The following DRICH1 variants were observed in gnomAD, a reference collection of about 807,000 sequenced individuals.
DRICH1 encodes the protein aspartate rich 1.
A neutral mutation model predicts 39.5 loss-of-function variants in DRICH1; 38 were observed. That is an observed-to-expected ratio of 0.96 (90% CI 0.74 to 1.26). DRICH1 has a LOEUF of 1.26. DRICH1 is among the 50% of genes most tolerant of loss of function. DRICH1 has a pLI of 0.00. For missense variants in DRICH1, 279 were observed against 270.4 expected (o/e 1.03, Z -0.22); for synonymous variants, 84 against 99.5 (o/e 0.84, Z 0.93).
chr22:23,618,208 G>A (rs1262126627), intron 6 of DRICH1, among the ~76,000 whole-genome samples: 1 of 149,060 alleles, frequency 6.7e-6, no homozygotes, highest in Non-Finnish European at 1.5e-5. Context: ...CCACCTCCCA[G>A]GTTTGCACCA....
At chr22:23,618,356 C>A (rs2123776594) in intron 6 of DRICH1, among the ~76,000 whole-genome samples, 1 of 152,136 alleles carries the variant, frequency 6.6e-6, no homozygotes, top group East Asian at 1.9e-4. Context: ...TCTCATGATC[C>A]ACCCACCTCG....
the DRICH1 span, among the ~76,000 whole-genome samples, chr22:23,598,239 C>G: frequency 6.6e-6 from 1 of 150,646 alleles, no homozygotes; most frequent in East Asian, 1.9e-4. Flanking sequence ...TCTCCTTGAC[C>G]AGAGTGAAGG....
the DRICH1 span, among the ~76,000 whole-genome samples, chr22:23,588,773 C>T: frequency 1.3e-5 from 2 of 152,164 alleles, no homozygotes; most frequent in East Asian, 1.9e-4. Context: ...TTCTGCCACC[C>T]GGGTATCTCA....
chr22:23,617,864 C>G (rs563689422), intron 6 of DRICH1, among the ~76,000 whole-genome samples: 1 of 152,332 alleles, frequency 6.6e-6, no homozygotes, highest in South Asian at 2.1e-4. Context: ...CAACACAAAA[C>G]AGTCAACCCC....
the DRICH1 span, among the ~76,000 whole-genome samples, chr22:23,585,431 C>T: frequency 6.6e-6 from 1 of 152,172 alleles, no homozygotes; most frequent in African/African-American, 2.4e-5. Context: ...GCCACCATGC[C>T]CGCCTAGCAG....
chr22:23,593,864 G>C, the DRICH1 span, among the ~76,000 whole-genome samples: 4 of 151,972 alleles, frequency 2.6e-5, no homozygotes, highest in Admixed American at 6.6e-5. Context: ...TGTAATCCCA[G>C]CTACTCTGGA....
intron 5 of DRICH1, among the ~76,000 whole-genome samples, chr22:23,619,754 C>G (rs547226028): frequency 2.6e-5 from 4 of 152,306 alleles, no homozygotes; most frequent in South Asian, 2.1e-4. Context: ...CCTCCATTTC[C>G]AAGACACTGG....
At chr22:23,602,596 A>T in the DRICH1 span, among the ~76,000 whole-genome samples, 2 of 152,088 alleles carry the variant, frequency 1.3e-5, no homozygotes, top group African/African-American at 4.8e-5. Context: ...GAGGCAAGAG[A>T]ATCGCTTGAA....
At chr22:23,604,673 G>T (rs1029264060), downstream of DRICH1, among the ~76,000 whole-genome samples, 1 of 152,132 alleles carries the variant, frequency 6.6e-6, no homozygotes, top group Non-Finnish European at 1.5e-5. Flanking sequence ...CACGGCCACT[G>T]CAGGGGTAGG....
downstream of DRICH1, among the ~76,000 whole-genome samples, chr22:23,605,814 C>T (rs1401180428): frequency 1.3e-5 from 2 of 152,068 alleles, no homozygotes; most frequent in African/African-American, 2.4e-5. Context: ...TAATTATGGG[C>T]TCATGCCTGT....
the DRICH1 span, among the ~76,000 whole-genome samples, chr22:23,589,127 C>CA: frequency 4.4e-5 from 6 of 135,736 alleles, no homozygotes; most frequent in East Asian, 2.0e-4. Context: ...CACACACACA[C>CA]CCCTTTGATA....
chr22:23,593,854 TG>T, the DRICH1 span, among the ~76,000 whole-genome samples: 1 of 151,500 alleles, frequency 6.6e-6, no homozygotes, highest in Non-Finnish European at 1.5e-5. Flanking sequence ...GGCGCATGCC[TG>T]TAATCCCAGC....
the DRICH1 span, chr22:23,583,379 G>A: frequency 8.1e-3 from 1,228 of 152,270 alleles, 7 homozygotes; most frequent in Non-Finnish European, 0.012. Flanking sequence ...CTTGTCCAGC[G>A]CTGTGAGGCT....
Position 23,608,703 on chromosome 22 carries a change from C to G in DRICH1, c.*61G>C. The G allele has an allele frequency of 6.5e-7, 1 of 1,532,856 alleles. No homozygotes were observed. The highest frequency in any genetic ancestry group is 8.8e-7 in the Non-Finnish European group (1 of 1,130,816). 95.0% of individuals were successfully genotyped at this position (1,532,856 alleles called of 1,614,324 possible). On this transcript the variant is annotated 3_prime_UTR_variant, in exon 12 of 12. Transcript: ENST00000317749. The stretch of plus-strand genomic sequence containing the variant: ...GACCTCCAGGGGCAAAGCTGGGGAC[C>G]CTGCAGCACGCGCTGGCCTGCCCTT...
At chr22:23,620,765 A>G (rs1379297408) in intron 4 of DRICH1, 150 bp from the exon 5 acceptor site, 2 of 867,606 alleles carry the variant, frequency 2.3e-6, no homozygotes, top group Non-Finnish European at 3.8e-6. Flanking sequence ...TAGCATAGAG[A>G]ACACCTGTGG....
At chr22:23,626,745 G>A (rs1354842169) in intron 1 of DRICH1, among the ~76,000 whole-genome samples, 1 of 152,174 alleles carries the variant, frequency 6.6e-6, no homozygotes, top group Non-Finnish European at 1.5e-5. Context: ...GGTGTTGTCA[G>A]ACTCTCCCTG....
the DRICH1 span, among the ~76,000 whole-genome samples, chr22:23,598,356 G>T: frequency 1.3e-5 from 2 of 149,530 alleles, no homozygotes; most frequent in African/African-American, 4.9e-5. Context: ...GTAGGTGAGG[G>T]TCCCCGTGGG....
chr22:23,604,282 G>T (rs899179643), downstream of DRICH1, among the ~76,000 whole-genome samples: 6 of 152,084 alleles, frequency 3.9e-5, no homozygotes, highest in Admixed American at 6.5e-5. Context: ...CCAGCCCTGT[G>T]GGCCGCCTGG....
chr22:23,598,483 C>A, the DRICH1 span, among the ~76,000 whole-genome samples: 6 of 151,870 alleles, frequency 4.0e-5, no homozygotes, highest in Non-Finnish European at 8.8e-5. Flanking sequence ...GTCAAACTGC[C>A]CGAGGTCAAG....
Sources: allele counts gnomAD v4.1 joint callset (sites outside exome capture counted in the v4.1 genomes callset), GRCh38; gene constraint gnomAD v4.1.1; transcripts MANE v1.5; gene names NCBI Gene and HGNC (gene_info 2026-07-23, HGNC 2026-07-21).